DGKB: variants seen among roughly 807,000 people sequenced by gnomAD.
The protein encoded by DGKB is diacylglycerol kinase beta, also known as 90 kDa diacylglycerol kinase.
Under a neutral mutation model 114.3 loss-of-function variants are expected in DGKB, and 67 were observed. That is an observed-to-expected ratio of 0.59 (90% CI 0.48 to 0.72). The LOEUF is 0.72. Among genes scored for constraint, DGKB ranks in the 30% least tolerant of loss-of-function variants. DGKB has a pLI of 0.00. For missense variants in DGKB, 907 were observed against 975.2 expected, an observed-to-expected ratio of 0.93 and a Z score of 0.93; for synonymous variants, 398 against 323.1, an observed-to-expected ratio of 1.23 and a Z score of -2.49.
intron 1 of DGKB, among the ~76,000 whole-genome samples, chr7:14,900,100 C>T (rs1183097257): frequency 6.6e-6 from 1 of 152,068 alleles, no homozygotes; most frequent in Admixed American, 6.6e-5. Flanking sequence ...AATAACTGCC[C>T]ACTACTACTC....
intron 25 of DGKB, among the ~76,000 whole-genome samples, chr7:14,165,665 A>G (rs1400752253): frequency 6.6e-6 from 1 of 152,206 alleles, no homozygotes; most frequent in Non-Finnish European, 1.5e-5. Context: ...TCCAATATAT[A>G]TTATGTGAAG....
At chr7:14,788,309 T>C (rs1288192608) in intron 2 of DGKB, among the ~76,000 whole-genome samples, 1 of 152,204 alleles carries the variant, frequency 6.6e-6, no homozygotes, top group Non-Finnish European at 1.5e-5. Context: ...ATCTGAAAGC[T>C]TCCACCACCA....
intron 20 of DGKB, among the ~76,000 whole-genome samples, chr7:14,523,922 C>T (rs939383019): frequency 2.0e-5 from 3 of 152,114 alleles, no homozygotes; most frequent in African/African-American, 7.2e-5. Context: ...TATGTTTCTG[C>T]AATGACTAAA....
intron 9 of DGKB, among the ~76,000 whole-genome samples, chr7:14,687,523 A>G (rs2128980838): frequency 6.6e-6 from 1 of 152,168 alleles, no homozygotes; most frequent in Non-Finnish European, 1.5e-5. Flanking sequence ...TACTTTATAT[A>G]TTTAACTTTG....
intron 21 of DGKB, among the ~76,000 whole-genome samples, chr7:14,432,981 G>T (rs370668005): frequency 2.0e-5 from 3 of 152,128 alleles, no homozygotes; most frequent in African/African-American, 7.2e-5. Flanking sequence ...AACACACATG[G>T]TAAGAGCATG....
intron 23 of DGKB, among the ~76,000 whole-genome samples, chr7:14,208,337 G>A (rs930503749): frequency 6.6e-6 from 1 of 151,964 alleles, no homozygotes; most frequent in African/African-American, 2.4e-5. Context: ...AACTGCTGGT[G>A]GAAGTGCAGT....
chr7:14,607,601 G>T (rs1804758546), intron 16 of DGKB, 93 bp from the exon 17 acceptor site: 1 of 414,606 alleles, frequency 2.4e-6, no homozygotes, highest in East Asian at 4.2e-5. Flanking sequence ...ATATATAGTT[G>T]CAATTAATTA....
chr7:14,244,104 G>A (rs536699379), intron 23 of DGKB, among the ~76,000 whole-genome samples: 1 of 152,194 alleles, frequency 6.6e-6, no homozygotes, highest in South Asian at 2.1e-4. Flanking sequence ...ATCACATAAG[G>A]GGAATAAGGC....
chr7:14,652,944 A>T (rs1814911464), intron 13 of DGKB, among the ~76,000 whole-genome samples: 1 of 151,762 alleles, frequency 6.6e-6, no homozygotes, highest in Admixed American at 6.6e-5. Context: ...GCAAATCAAA[A>T]CCATAATGAG....
intron 20 of DGKB, among the ~76,000 whole-genome samples, chr7:14,504,748 T>C (rs1316399191): frequency 3.9e-5 from 6 of 152,158 alleles, no homozygotes; most frequent in African/African-American, 1.4e-4. Context: ...GCACAAAAAG[T>C]TTATAACTTG....
In DGKB at chr7:14,718,679, C is replaced by A. The variant is rs1003346813; in HGVS notation, c.329G>T (p.Arg110Ile). 1.3e-6 allele frequency: 2 copies of A among 1,599,908 alleles called. No individual in the cohort carries two copies. The highest frequency in any genetic ancestry group is 1.3e-5 in the African/African-American group (1 of 74,132). ...AGGGGTGATGGCACCTTTATTCATTCTCAGACCTGGAAAAAAAATTGTCTT... is the reference window on the plus strand; with the variant it reads ...AGGGGTGATGGCACCTTTATTCATTATCAGACCTGGAAAAAAAATTGTCTT... Reference protein sequence around the residue: ...SKPALLSGGLRMNKGAITPPR... With the variant: ...SKPALLSGGLIMNKGAITPPR... Residue 110 changes from arginine to isoleucine, a missense_variant, in exon 6 of 26, where the codon AGA becomes ATA. Around this residue, in one of 3 missense-constraint regions of DGKB, gnomAD observed 814 missense variants for 856.6 expected, o/e 0.95. Coordinates refer to ENST00000402815, the MANE Select transcript of DGKB (RefSeq NM_001350709.2).
At chr7:14,214,299 T>A (rs17764625) in intron 23 of DGKB, among the ~76,000 whole-genome samples, 9,317 of 152,228 alleles carry the variant, frequency 0.061, 388 homozygotes, top group Non-Finnish European at 0.093. Context: ...TACATTTAGC[T>A]TTTAACTTTC....
chr7:14,499,960 C>G (rs1178782778), intron 20 of DGKB, among the ~76,000 whole-genome samples: 1 of 151,740 alleles, frequency 6.6e-6, no homozygotes. Flanking sequence ...CATTTCTTTT[C>G]CCACAGGTCA....
chr7:14,396,784 A>G (rs1403350727), intron 21 of DGKB, among the ~76,000 whole-genome samples: 1 of 152,188 alleles, frequency 6.6e-6, no homozygotes, highest in Non-Finnish European at 1.5e-5. Flanking sequence ...TAAAGCTGCC[A>G]TGCTATGTGA....
intron 2 of DGKB, among the ~76,000 whole-genome samples, chr7:14,808,747 G>A (rs1448358413): frequency 6.6e-6 from 1 of 152,116 alleles, no homozygotes; most frequent in East Asian, 1.9e-4. Context: ...CAGACGCCAA[G>A]AGGCTCTTGA....
chr7:14,789,283 C>T (rs1840329323), intron 2 of DGKB, among the ~76,000 whole-genome samples: 1 of 152,102 alleles, frequency 6.6e-6, no homozygotes, highest in Non-Finnish European at 1.5e-5. Flanking sequence ...CTTCATGCTG[C>T]CCTTTAGTAA....
At chr7:14,769,119 AAGAAAGAG>A (rs759261002) in intron 2 of DGKB, among the ~76,000 whole-genome samples, 8,655 of 110,976 alleles carry the variant, frequency 0.078, 487 homozygotes, top group African/African-American at 0.18. Context: ...GAAAGAAAGA[AAGAAAGAG>A]AGAGAGAGAA....
intron 1 of DGKB, among the ~76,000 whole-genome samples, chr7:14,952,364 C>T (rs36893): frequency 0.32 from 49,279 of 151,752 alleles, 8,337 homozygotes; most frequent in African/African-American, 0.39. Context: ...TAACATCGCA[C>T]GTACATGGAT....
rs1781647611 is a variant in DGKB, at chr7:14,147,875, C to CAACA, written c.*1252_*1255dup. On this transcript the variant is annotated 3_prime_UTR_variant, in exon 26 of 26. Coordinates refer to ENST00000402815, the MANE Select transcript of DGKB (RefSeq NM_001350709.2). ...ACTCCAACTATGCCATGAACACCTT[C>CAACA]AACAGTGATCTAGGCTGTTGTTTCC... is the stretch of plus-strand genomic sequence containing the variant. The CAACA allele has an allele frequency of 1.3e-5, 2 of 152,240 alleles. No homozygotes were observed. Among genetic ancestry groups the CAACA allele is most frequent in the African/African-American group, 4.8e-5 (2 of 41,340 alleles). The allele number at this position is 152,240 out of a possible 1,614,324, so 9.4% of individuals were successfully genotyped here. A position where few individuals can be genotyped will look rare whatever the true frequency, so the allele number is the denominator to read the frequency against.
Sources: gnomAD v4.1 joint callset for allele counts (sites outside exome capture counted in the v4.1 genomes callset) on GRCh38, gnomAD v4.1.1 for gene constraint, gnomAD v4.1.1 regional missense constraint, MANE v1.5 for transcripts, NCBI Gene and HGNC (gene_info 2026-07-23, HGNC 2026-07-21) for gene names.